EYA1: variants seen among roughly 807,000 people sequenced by gnomAD.
EYA1 encodes protein phosphatase EYA1.
EYA1 carries 16 observed loss-of-function variants against 82.0 expected under a neutral mutation model. That is an observed-to-expected ratio of 0.20 (90% CI 0.13 to 0.30). The LOEUF is 0.30. Ranked by LOEUF, EYA1 falls within the 10% of genes least tolerant of loss-of-function variation. The pLI is 1.00. For missense variants in EYA1, 633 were observed against 730.7 expected (o/e 0.87, Z 1.54); for synonymous variants, 261 against 264.4 (o/e 0.99, Z 0.12).
At chr8:71,313,833 A>T (rs2129018204) in intron 7 of EYA1, among the ~76,000 whole-genome samples, 1 of 152,304 alleles carries the variant, frequency 6.6e-6, no homozygotes, top group South Asian at 2.1e-4. Context: ...GTTTTCTTTA[A>T]ATTAATCAGC....
intron 2 of EYA1, among the ~76,000 whole-genome samples, chr8:71,429,690 A>T (rs1167615950): frequency 6.6e-6 from 1 of 152,164 alleles, no homozygotes; most frequent in Non-Finnish European, 1.5e-5. Flanking sequence ...GACAGAGGTT[A>T]TGAGCCCAGA....
At chr8:71,415,315 G>C (rs2129144175) in intron 2 of EYA1, among the ~76,000 whole-genome samples, 1 of 152,256 alleles carries the variant, frequency 6.6e-6, no homozygotes, top group Non-Finnish European at 1.5e-5. Flanking sequence ...AATTATTGAA[G>C]ATCTTCTGTA....
At chr8:71,405,737 T>C (rs577397607) in intron 2 of EYA1, among the ~76,000 whole-genome samples, 2 of 152,150 alleles carry the variant, frequency 1.3e-5, no homozygotes, top group African/African-American at 4.8e-5. Context: ...CCGTTGTTAT[T>C]TGATGAGCAT....
chr8:71,444,296 G>A (rs920588846), intron 2 of EYA1, among the ~76,000 whole-genome samples: 4 of 152,090 alleles, frequency 2.6e-5, no homozygotes, highest in Non-Finnish European at 5.9e-5. Context: ...AGTAAAAGTG[G>A]GCACTCACTC....
intron 2 of EYA1, among the ~76,000 whole-genome samples, chr8:71,405,519 T>C (rs1830171566): frequency 6.6e-6 from 1 of 152,222 alleles, no homozygotes; most frequent in Non-Finnish European, 1.5e-5. Flanking sequence ...ATAGAGGAAG[T>C]TGTTTATTAT....
At chr8:71,485,919 A>C (rs1055785254) in intron 2 of EYA1, among the ~76,000 whole-genome samples, 1 of 152,182 alleles carries the variant, frequency 6.6e-6, no homozygotes. Flanking sequence ...TGTGTCCTTT[A>C]ATGAGAGAAG....
intron 7 of EYA1, among the ~76,000 whole-genome samples, chr8:71,304,273 T>C (rs1820499345): frequency 7.0e-6 from 1 of 142,436 alleles, no homozygotes; most frequent in Non-Finnish European, 1.6e-5. Flanking sequence ...TGGATGCTGT[T>C]ACATCCCGTT....
At chr8:71,503,052 A>C (rs965330284) in intron 2 of EYA1, among the ~76,000 whole-genome samples, 2 of 152,184 alleles carry the variant, frequency 1.3e-5, no homozygotes, top group Non-Finnish European at 2.9e-5. Flanking sequence ...TTCTATACAT[A>C]CATTTCTTTC....
intron 2 of EYA1, among the ~76,000 whole-genome samples, chr8:71,498,482 A>C (rs766722758): frequency 3.9e-5 from 6 of 152,168 alleles, no homozygotes; most frequent in Non-Finnish European, 7.4e-5. Flanking sequence ...ACCCTTCTAG[A>C]TGTTAATATT....
intron 2 of EYA1, among the ~76,000 whole-genome samples, chr8:71,477,904 G>T (rs115978460): frequency 6.6e-6 from 1 of 152,160 alleles, no homozygotes; most frequent in Non-Finnish European, 1.5e-5. Context: ...ATAAAAAGGA[G>T]TGAAGTATGA....
At chr8:71,214,572 G>A (rs571149147) in intron 16 of EYA1, among the ~76,000 whole-genome samples, 109 of 152,296 alleles carry the variant, frequency 7.2e-4, no homozygotes, top group African/African-American at 2.5e-3. Flanking sequence ...CAAGGGGTCT[G>A]GACCTTGGAA....
intron 3 of EYA1, among the ~76,000 whole-genome samples, chr8:71,340,226 C>A (rs943470490): frequency 1.3e-5 from 2 of 152,204 alleles, no homozygotes; most frequent in Admixed American, 1.3e-4. Context: ...AAGGTCCCCC[C>A]ATACTCTGAC....
At chr8:71,275,931 C>T (rs1406685881) in intron 9 of EYA1, among the ~76,000 whole-genome samples, 3 of 152,212 alleles carry the variant, frequency 2.0e-5, no homozygotes, top group Non-Finnish European at 4.4e-5. Context: ...ATCTTGACTT[C>T]CCTTACTTCT....
chr8:71,325,275 A>G (rs983192807), intron 4 of EYA1, among the ~76,000 whole-genome samples: 1 of 152,156 alleles, frequency 6.6e-6, no homozygotes, highest in Non-Finnish European at 1.5e-5. Flanking sequence ...ATTCCACCAC[A>G]GAGACTAAGT....
At chr8:71,287,259 GA>G (rs1347651702) in intron 9 of EYA1, among the ~76,000 whole-genome samples, 1 of 152,110 alleles carries the variant, frequency 6.6e-6, no homozygotes, top group African/African-American at 2.4e-5. Flanking sequence ...TTCAGTCATA[GA>G]AATCTCCCAC....
At chr8:71,269,545 C>A (rs929900292) in intron 11 of EYA1, among the ~76,000 whole-genome samples, 195 bp downstream of exon 11, 1 of 152,094 alleles carries the variant, frequency 6.6e-6, no homozygotes, top group African/African-American at 2.4e-5. Flanking sequence ...TATCTTATTG[C>A]CAAAGACCTA....
rs956938775 is a variant in EYA1 at position 71,430,013 on chromosome 8, G to C, written c.34-73502C>G. Among the ~76,000 whole-genome samples the C allele has an allele frequency of 4.6e-5, 7 of 152,260 alleles. No individual in the cohort carries two copies. The East Asian group carries it at 1.4e-3, about 29-fold the overall frequency. On this transcript the variant is annotated intron_variant, in intron 2 of 18. Transcript: ENST00000643681. ...CTTACTTTAAAATGCAAGTAAATTA[G>C]TGCTAGTAAAAATAACTTACAAACA...
At chr8:71,514,812 T>C (rs1812849708) in intron 2 of EYA1, among the ~76,000 whole-genome samples, 1 of 152,128 alleles carries the variant, frequency 6.6e-6, no homozygotes, top group South Asian at 2.1e-4. Context: ...CAACTATCAA[T>C]GGTTATTTCT....
chr8:71,249,492 C>T (rs1024961583), intron 11 of EYA1, among the ~76,000 whole-genome samples: 2 of 152,102 alleles, frequency 1.3e-5, no homozygotes, highest in African/African-American at 4.8e-5. Context: ...CTCATGAGAA[C>T]TCACTATCAT....
Sources: allele counts gnomAD v4.1 joint callset (sites outside exome capture counted in the v4.1 genomes callset), GRCh38; gene constraint gnomAD v4.1.1; transcripts MANE v1.5; gene names NCBI Gene and HGNC (gene_info 2026-07-23, HGNC 2026-07-21).